GSTA4: variants seen among roughly 807,000 people sequenced by gnomAD.
The protein encoded by GSTA4 is glutathione S-transferase alpha 4, also known as glutathione S-transferase A4.
GSTA4 carries 15 observed loss-of-function variants against 24.4 expected under a neutral mutation model. That is an observed-to-expected ratio of 0.61 (90% CI 0.41 to 0.95). The LOEUF is 0.95. Ranked by LOEUF, GSTA4 falls within the 40% of genes least tolerant of loss-of-function variation. GSTA4 has a pLI of 0.00. For missense variants in GSTA4, 244 were observed against 262.1 expected (o/e 0.93, Z 0.48); for synonymous variants, 92 against 94.2 (o/e 0.98, Z 0.13).
In GSTA4 at chr6:52,994,189, C is replaced by T. The variant is rs1763718027; in HGVS notation, c.55G>A (p.Val19Met). The part of the protein sequence containing the change: ...YPNGRGRMES[V>M]RWVLAAAGVE... ...CCGGCGGCAGCTAAAACCCATCTCA[C>T]GGACTCCATCCGGCCTCTTCCGTTG... is the stretch of plus-strand genomic sequence containing the variant. Residue 19 changes from valine (V) to methionine (M), a missense_variant, in exon 2 of 7, where the codon GTG becomes ATG. By Grantham distance (21) the Val-to-Met change is conservative (BLOSUM62 1). Coordinates refer to ENST00000370963, the MANE Select transcript of GSTA4 (RefSeq NM_001512.4). 1 of 1,613,218 alleles carries T rather than the reference C, an allele frequency of 6.2e-7. No homozygotes were observed. Among genetic ancestry groups the T allele is most frequent in the Non-Finnish European group, 8.5e-7 (1 of 1,179,282 alleles).
In GSTA4 at chr6:52,978,138, A is replaced by G. The variant is rs1763380053; in HGVS notation, c.*332T>C. On this transcript the variant is annotated 3_prime_UTR_variant, in exon 7 of 7. Coordinates refer to ENST00000370963, the MANE Select transcript of GSTA4 (RefSeq NM_001512.4). ...TAAGGAGAGCAGAAAGACGCTCAGG[A>G]GAGTAGAAAGACACTCAGGAGAGAA... The G allele has an allele frequency of 3.9e-6, 1 of 253,568 alleles. No homozygotes were observed. Among genetic ancestry groups the G allele is most frequent in the Admixed American group, 6.0e-5 (1 of 16,740 alleles). 15.7% of individuals were successfully genotyped at this position (253,568 alleles called of 1,614,324 possible).
chr6:52,986,186 A>T (rs1763553129), intron 3 of GSTA4, among the ~76,000 whole-genome samples: 1 of 152,240 alleles, frequency 6.6e-6, no homozygotes, highest in Non-Finnish European at 1.5e-5. Flanking sequence ...ACACTGGCCA[A>T]TACAGCAGTC....
intron 3 of GSTA4, among the ~76,000 whole-genome samples, chr6:52,987,121 A>C (rs1245103997): frequency 6.6e-6 from 1 of 151,802 alleles, no homozygotes; most frequent in Non-Finnish European, 1.5e-5. Flanking sequence ...GATGGAGAGG[A>C]GCTGTTCACC....
At chr6:52,984,858 A>G (rs1483031393) in intron 4 of GSTA4, among the ~76,000 whole-genome samples, 1 of 152,012 alleles carries the variant, frequency 6.6e-6, no homozygotes, top group African/African-American at 2.4e-5. Flanking sequence ...CTACTCCTCC[A>G]CTTTTACCCC....
In GSTA4 at chr6:52,987,712, A is replaced by C. The variant is rs1763590013; in HGVS notation, c.88-304T>G. 4.8e-5 allele frequency: 12 copies of C among 250,676 alleles called. No homozygotes were observed. The South Asian group carries it at 8.4e-4, about 18-fold the overall frequency. The allele number at this position is 250,676 out of a possible 1,614,324, so 15.5% of individuals were successfully genotyped here. On this transcript the variant is annotated intron_variant, in intron 2 of 6. Transcript: ENST00000370963. ...AAATACAGCTAGACAGAAGAAATAA[A>C]ATCTAGTGTTCGATAGTACAGTAGG...
chr6:52,993,337 G>A (rs1490335094), intron 2 of GSTA4, among the ~76,000 whole-genome samples: 3 of 152,072 alleles, frequency 2.0e-5, no homozygotes, highest in African/African-American at 2.4e-5. Context: ...TTAAAATACC[G>A]AAAGAAACAT....
At chr6:52,989,992 A>T (rs1039044459) in intron 2 of GSTA4, among the ~76,000 whole-genome samples, 13 of 151,646 alleles carry the variant, frequency 8.6e-5, no homozygotes, top group African/African-American at 3.1e-4. Context: ...TTATAGGCTC[A>T]AGCCACCACA....
intron 6 of GSTA4, 95 bp downstream of exon 6, chr6:52,982,479 C>T (rs1361442587): frequency 5.0e-6 from 4 of 795,006 alleles, no homozygotes; most frequent in Admixed American, 5.3e-5. Flanking sequence ...TACACATACA[C>T]ACACACACAC....
In GSTA4 at chr6:52,991,667, G is replaced by A. The variant is rs142710020; in HGVS notation, c.87+2490C>T. On this transcript the variant is annotated intron_variant, in intron 2 of 6. Transcript: ENST00000370963. ...GGTAAGTAAACCAAATCCAGAATAG[G>A]GAAAATTCTACAGGGCAGTTTCTTC... Among the ~76,000 whole-genome samples the A allele has an allele frequency of 6.2e-3, 939 of 152,010 alleles. 18 individuals are homozygous for A. The highest frequency in any genetic ancestry group is 0.057 in the East Asian group (295 of 5,174).
rs1332615600 is a variant in GSTA4, at chr6:52,978,373, T to C, written c.*97A>G. ...CCAACTTAGGACCCAACTTAATACATAGATAGCACCATGACAGAGCTGGGA... is the reference window on the plus strand; with the variant it reads ...CCAACTTAGGACCCAACTTAATACACAGATAGCACCATGACAGAGCTGGGA... On this transcript the variant is annotated 3_prime_UTR_variant, in exon 7 of 7. Coordinates refer to ENST00000370963, the MANE Select transcript of GSTA4 (RefSeq NM_001512.4). 5.6e-6 allele frequency: 7 copies of C among 1,247,460 alleles called. No homozygotes were observed. Among genetic ancestry groups the C allele is most frequent in the Non-Finnish European group, 6.8e-6 (6 of 884,158 alleles). The allele number at this position is 1,247,460 out of a possible 1,614,324, so 77.3% of individuals were successfully genotyped here.
intron 6 of GSTA4, 123 bp downstream of exon 6, chr6:52,982,451 C>T: frequency 2.0e-5 from 12 of 606,426 alleles, no homozygotes; most frequent in Non-Finnish European, 3.3e-5. Flanking sequence ...ATTTGCCAAA[C>T]TAGAATCTTA....
At chr6:52,986,851 A>G (rs1763571039) in intron 3 of GSTA4, among the ~76,000 whole-genome samples, 1 of 152,324 alleles carries the variant, frequency 6.6e-6, no homozygotes, top group East Asian at 1.9e-4. Context: ...GGCTCCTGCT[A>G]TAATGGATGG....
intron 6 of GSTA4, among the ~76,000 whole-genome samples, chr6:52,980,385 A>G (rs111897710): frequency 0.046 from 7,030 of 151,356 alleles, 226 homozygotes; most frequent in Non-Finnish European, 0.067. Flanking sequence ...GCTCACTGCA[A>G]CCTCCACCTC....
At chr6:52,985,076 G>A (rs1763527520) in intron 4 of GSTA4, among the ~76,000 whole-genome samples, 1 of 152,112 alleles carries the variant, frequency 6.6e-6, no homozygotes, top group Non-Finnish European at 1.5e-5. Flanking sequence ...GCAAGGACCA[G>A]GCTTTGATTT....
At chr6:52,994,642 G>T (rs1037035543) in intron 1 of GSTA4, among the ~76,000 whole-genome samples, 11 of 152,154 alleles carry the variant, frequency 7.2e-5, no homozygotes, top group African/African-American at 2.7e-4. Flanking sequence ...AGAGGGTAGC[G>T]AAGGAAAATC....
intron 2 of GSTA4, among the ~76,000 whole-genome samples, chr6:52,990,622 A>G (rs1763644055): frequency 6.6e-6 from 1 of 152,204 alleles, no homozygotes; most frequent in African/African-American, 2.4e-5. Flanking sequence ...GTAACTAAAA[A>G]TGTTGACTCA....
intron 3 of GSTA4, among the ~76,000 whole-genome samples, chr6:52,986,928 T>C (rs1763572414): frequency 6.6e-6 from 1 of 152,168 alleles, no homozygotes; most frequent in East Asian, 1.9e-4. Context: ...TGATTTCACT[T>C]CTGTGTAGTA....
intron 5 of GSTA4, among the ~76,000 whole-genome samples, chr6:52,983,400 G>T (rs1763490718): frequency 6.6e-6 from 1 of 152,180 alleles, no homozygotes; most frequent in Non-Finnish European, 1.5e-5. Context: ...ATGCCCATGG[G>T]TGTCTGCATG....
intron 6 of GSTA4, among the ~76,000 whole-genome samples, chr6:52,981,877 A>G (rs1197217630): frequency 2.6e-5 from 4 of 152,224 alleles, no homozygotes; most frequent in Non-Finnish European, 5.9e-5. Flanking sequence ...TCCTGCCAGA[A>G]TAACCCTGAG....
Sources: gnomAD v4.1 joint callset for allele counts (sites outside exome capture counted in the v4.1 genomes callset) on GRCh38, gnomAD v4.1.1 for gene constraint, MANE v1.5 for transcripts, NCBI Gene and HGNC (gene_info 2026-07-23, HGNC 2026-07-21) for gene names.